The following PRDM11 variants were observed in gnomAD, a reference collection of about 807,000 sequenced individuals.
PRDM11 encodes PR/SET domain 11.
A neutral mutation model predicts 97.8 loss-of-function variants in PRDM11; 20 were observed. That is an observed-to-expected ratio of 0.20 (90% CI 0.14 to 0.30). The LOEUF is 0.30. PRDM11 is among the 10% of genes least tolerant of loss of function. The pLI is 1.00. For synonymous variants in PRDM11, 599 were observed against 637.7 expected (o/e 0.94, Z 0.91); for missense variants, 1,139 against 1,555.2 (o/e 0.73, Z 4.50).
At chr11:45,147,304 G>GGCGCGGACGCC (rs1554967049) in intron 1 of PRDM11, 67 of 151,860 alleles carry the variant, frequency 4.4e-4, no homozygotes, top group African/African-American at 1.5e-3. Context: ...GGCGGGGCGC[G>GGCGCGGACGCC]GACGCCGACG....
intron 1 of PRDM11, among the ~76,000 whole-genome samples, chr11:45,167,094 G>T (rs1423680493): frequency 6.6e-6 from 1 of 152,162 alleles, no homozygotes; most frequent in Non-Finnish European, 1.5e-5. Context: ...CACCCTGCAG[G>T]GTTATAGAGA....
At chr11:45,100,742 T>A (rs909717524) in intron 1 of PRDM11, among the ~76,000 whole-genome samples, 3 of 152,252 alleles carry the variant, frequency 2.0e-5, no homozygotes, top group African/African-American at 7.2e-5. Context: ...ACTGAGCTCA[T>A]AAGCCACAAC....
chr11:45,203,103 A>G (rs1433986004), intron 4 of PRDM11, among the ~76,000 whole-genome samples: 4 of 152,126 alleles, frequency 2.6e-5, no homozygotes, highest in Non-Finnish European at 5.9e-5. Flanking sequence ...CTTTGAAGAG[A>G]ACGATGGAGG....
chr11:45,095,656 A>G, upstream of PRDM11: 1 of 601,812 alleles, frequency 1.7e-6, no homozygotes, highest in Non-Finnish European at 3.0e-6. Flanking sequence ...GACCAATGCA[A>G]TAGAACTGCA....
upstream of PRDM11, among the ~76,000 whole-genome samples, chr11:45,145,679 A>G (rs1177484610): frequency 2.0e-5 from 3 of 152,176 alleles, no homozygotes; most frequent in East Asian, 1.9e-4. Context: ...AGACGTCGCC[A>G]TTGGGCCACA....
chr11:45,187,602 G>T (rs547614093), intron 4 of PRDM11, among the ~76,000 whole-genome samples: 65 of 152,296 alleles, frequency 4.3e-4, no homozygotes, highest in African/African-American at 1.5e-3. Flanking sequence ...TGGCCTGGAG[G>T]TTATTCCCTC....
chr11:45,217,389 G>A (rs1012584162), intron 5 of PRDM11, among the ~76,000 whole-genome samples: 2 of 152,186 alleles, frequency 1.3e-5, no homozygotes, highest in South Asian at 2.1e-4. Flanking sequence ...CAGGGATAGC[G>A]ATGCTTATAT....
chr11:45,096,929 G>A (rs918919930), intron 1 of PRDM11, among the ~76,000 whole-genome samples: 4 of 152,192 alleles, frequency 2.6e-5, no homozygotes, highest in African/African-American at 9.7e-5. Context: ...CTGGCAGGGA[G>A]GCAGCTGCGT....
In PRDM11 at chr11:45,226,119, G is replaced by A. The variant is rs113612878; in HGVS notation, c.1494G>A (p.Ser498=). 4.9e-5 allele frequency: 75 copies of A among 1,533,070 alleles called. No homozygotes were observed. Among genetic ancestry groups the A allele is most frequent in the Non-Finnish European group, 5.8e-5 (66 of 1,145,978 alleles). The allele number at this position is 1,533,070 out of a possible 1,614,324, so 95.0% of individuals were successfully genotyped here. A position where few individuals can be genotyped will look rare whatever the true frequency, so the allele number is the denominator to read the frequency against. ...CGGATGAGCCCTCCAAGATGTCATC[G>A]GCCACCGGGCGCCGAATCCGGCGCT... The part of the protein sequence containing the change: ...TATDEPSKMS[S]ATGRRIRRFK... Residue 498 remains serine, a synonymous_variant, in exon 8 of 8, where the codon TCG becomes TCA. Transcript: ENST00000683152.
At chr11:45,108,417 T>C (rs1332685509) in intron 1 of PRDM11, among the ~76,000 whole-genome samples, 1 of 152,198 alleles carries the variant, frequency 6.6e-6, no homozygotes, top group Non-Finnish European at 1.5e-5. Context: ...TCCCATGAGC[T>C]TCTGGGGTTA....
At chr11:45,209,150 G>C in intron 5 of PRDM11, 1 of 455,224 alleles carries the variant, frequency 2.2e-6, no homozygotes, top group South Asian at 1.5e-5. Flanking sequence ...AGCAGTCCCT[G>C]TCGGGCCCTG....
chr11:45,159,742 G>A (rs762030387), intron 1 of PRDM11, among the ~76,000 whole-genome samples: 21 of 152,168 alleles, frequency 1.4e-4, no homozygotes, highest in Non-Finnish European at 2.4e-4. Flanking sequence ...ACTAGTCACC[G>A]TCAGTGGCAG....
intron 1 of PRDM11, among the ~76,000 whole-genome samples, chr11:45,099,579 T>A (rs1385253713): frequency 2.0e-5 from 3 of 152,106 alleles, no homozygotes; most frequent in Non-Finnish European, 4.4e-5. Flanking sequence ...TATTTTTAAT[T>A]TCTGTGGCTA....
intron 6 of PRDM11, among the ~76,000 whole-genome samples, chr11:45,222,884 C>CT (rs1048755682): frequency 2.4e-4 from 36 of 152,318 alleles, no homozygotes; most frequent in African/African-American, 8.7e-4. Context: ...TCTAGGAAAC[C>CT]TTTGAGATTT....
intron 1 of PRDM11, among the ~76,000 whole-genome samples, chr11:45,156,300 T>C (rs1350153489): frequency 6.6e-6 from 1 of 152,198 alleles, no homozygotes; most frequent in African/African-American, 2.4e-5. Flanking sequence ...GGACCGGCCA[T>C]GTTACAGCAT....
At chr11:45,161,255 CTGAA>C (rs1282751022) in intron 1 of PRDM11, among the ~76,000 whole-genome samples, 1 of 152,210 alleles carries the variant, frequency 6.6e-6, no homozygotes, top group Non-Finnish European at 1.5e-5. Flanking sequence ...GGTGTCTTCT[CTGAA>C]TGAGCCCTGG....
At chr11:45,134,729 A>AAAAAAAAAAAAAT (rs1852800513) in intron 1 of PRDM11, among the ~76,000 whole-genome samples, 1 of 145,864 alleles carries the variant, frequency 6.9e-6, no homozygotes, top group Non-Finnish European at 1.5e-5. Context: ...AAAAAAAAGA[A>AAAAAAAAAAAAAT]TAGTATTTCA....
At chr11:45,221,348 C>A (rs189939261) in intron 6 of PRDM11, among the ~76,000 whole-genome samples, 43 of 152,170 alleles carry the variant, frequency 2.8e-4, no homozygotes, top group African/African-American at 9.9e-4. Context: ...GTAAAAGTGC[C>A]TGATACATAG....
intron 1 of PRDM11, chr11:45,096,014 A>T (rs904241464): frequency 1.4e-6 from 1 of 702,056 alleles, no homozygotes; most frequent in African/African-American, 1.8e-5. Flanking sequence ...GCTTGTTGTC[A>T]TCTTCTCATT....
Sources: gnomAD v4.1 joint callset for allele counts (sites outside exome capture counted in the v4.1 genomes callset) on GRCh38, gnomAD v4.1.1 for gene constraint, MANE v1.5 for transcripts, NCBI Gene and HGNC (gene_info 2026-07-23, HGNC 2026-07-21) for gene names.